Variants in HEATR6 observed in about 807,000 individuals in gnomAD.
HEATR6 encodes HEAT repeat-containing protein 6.
A neutral mutation model predicts 132.8 loss-of-function variants in HEATR6; 106 were observed. The observed-to-expected ratio is 0.80, with a 90% CI of 0.68 to 0.94. HEATR6 has a LOEUF of 0.94. Among genes scored for constraint, HEATR6 ranks in the 40% least tolerant of loss-of-function variants. HEATR6 has a pLI of 0.00. For missense variants in HEATR6, 1,339 were observed against 1,425.1 expected (o/e 0.94, Z 0.97); for synonymous variants, 529 against 537.8 (o/e 0.98, Z 0.23).
intron 13 of HEATR6, 143 bp downstream of exon 13, chr17:60,055,972 T>A (rs1326057447): frequency 5.9e-6 from 6 of 1,012,822 alleles, no homozygotes; most frequent in Non-Finnish European, 8.4e-6. Context: ...CCTCCTTACC[T>A]GAAATCTCTT....
intron 19 of HEATR6, among the ~76,000 whole-genome samples, chr17:60,044,916 C>CA (rs1477202629): frequency 2.0e-5 from 3 of 152,252 alleles, no homozygotes; most frequent in South Asian, 2.1e-4. Context: ...TCCGACCCGT[C>CA]AGAGTCCTTT....
intron 7 of HEATR6, among the ~76,000 whole-genome samples, chr17:60,068,513 A>G (rs1292643494): frequency 3.4e-5 from 5 of 149,142 alleles, no homozygotes; most frequent in Admixed American, 6.8e-5. Context: ...ATTCCCCTAT[A>G]TAAGATTCTT....
In HEATR6 at chr17:60,073,416, G is replaced by T. The variant is rs112015482; in HGVS notation, c.469-137C>A. 2.2e-5 allele frequency: 14 copies of T among 623,166 alleles called. No individual in the cohort carries two copies. The South Asian group carries it at 2.8e-4, about 13-fold the overall frequency. The allele number at this position is 623,166 out of a possible 1,614,324, so 38.6% of individuals were successfully genotyped here. On this transcript the variant is annotated intron_variant, in intron 3 of 19. Coordinates refer to ENST00000184956, the MANE Select transcript of HEATR6 (RefSeq NM_022070.5). ...GACTAGCTGTTAGATAAATGTCTCC[G>T]ATGGATATGCAAAGATATGCCAAAA...
intron 9 of HEATR6, chr17:60,063,361 G>C (rs2083222220): frequency 6.6e-6 from 1 of 152,174 alleles, no homozygotes. Context: ...GACAAGTCTT[G>C]ATGATATTCT....
rs56246861 is a variant in HEATR6, at chr17:60,042,676, T to C, written c.*887A>G. ...CGCGTCCTGTGCGGCTGTGAGGCAC[T>C]GTCAGCATCCTCGCGTCCTGTGTGG... is the stretch of plus-strand genomic sequence containing the variant. On this transcript the variant is annotated 3_prime_UTR_variant, in exon 20 of 20. Coordinates refer to ENST00000184956, the MANE Select transcript of HEATR6 (RefSeq NM_022070.5). Among the ~76,000 whole-genome samples the C allele has an allele frequency of 2.6e-3, 59 of 22,888 alleles. No homozygotes were observed. Among genetic ancestry groups the C allele is most frequent in the African/African-American group, 6.4e-3 (16 of 2,494 alleles). 15.0% of individuals were successfully genotyped at this position (22,888 alleles called of 152,430 possible).
intron 2 of HEATR6, among the ~76,000 whole-genome samples, chr17:60,075,385 G>A (rs2145203567): frequency 6.6e-6 from 1 of 152,306 alleles, no homozygotes; most frequent in East Asian, 1.9e-4. Flanking sequence ...TAGTGACTCT[G>A]GGATGGCTTT....
At chr17:60,073,103 C>A in intron 4 of HEATR6, 61 bp downstream of exon 4, 1 of 956,920 alleles carries the variant, frequency 1.0e-6, no homozygotes, top group South Asian at 1.4e-5. Context: ...GAACTACCTA[C>A]AAAGGGCCCA....
At position 60,060,084 on chromosome 17, in the gene HEATR6, C is replaced by A. The variant is rs779029115; in HGVS notation, c.1429G>T (p.Ala477Ser). The A allele has an allele frequency of 1.7e-5, 28 of 1,613,590 alleles. No individual in the cohort carries two copies. Among genetic ancestry groups the A allele is most frequent in the Non-Finnish European group, 2.3e-5 (27 of 1,179,774 alleles). ...KDPSPKTRAC[A>S]LQVLSAILEG... ...AAGATGGCAGATAAAACTTGCAGAG[C>A]ACAGGCACGTGTCTGAAATTTCGGG... The change falls in exon 10 of 20, where the codon GCT becomes TCT. Residue 477 changes from alanine (A) to serine (S), a missense_variant. Ala to Ser is a moderately conservative substitution (Grantham distance 99). Transcript: ENST00000184956.
At chr17:60,063,721 T>C (rs1317281865) in intron 9 of HEATR6, 2 of 154,194 alleles carry the variant, frequency 1.3e-5, no homozygotes, top group Non-Finnish European at 2.9e-5. Context: ...CCAGTTAAAA[T>C]TGTGCTTCCA....
chr17:60,074,323 C>G (rs2083286567), intron 2 of HEATR6, among the ~76,000 whole-genome samples: 2 of 152,176 alleles, frequency 1.3e-5, no homozygotes, highest in Non-Finnish European at 2.9e-5. Context: ...AGGGCATATC[C>G]CTGCTGTCAA....
At position 60,078,709 on chromosome 17, in the gene HEATR6, C is replaced by T. The variant is rs2083309020; in HGVS notation, c.206G>A (p.Gly69Asp). ...LISENYSEGS[G>D]VAPEDVSALL... ...CGCGCCGCCTACCTCCGGGGCCACG[C>T]CACTGCCCTCGCTGTAGTTCTCGGA... The change falls in exon 1 of 20, where the codon GGC becomes GAC. Residue 69 changes from glycine (G) to aspartate (D), a missense_variant. Gly to Asp is a moderately conservative substitution (Grantham distance 94). Transcript: ENST00000184956. 4 of 1,545,142 alleles carry T rather than the reference C, an allele frequency of 2.6e-6. No individual in the cohort carries two copies. The East Asian group carries it at 7.4e-5, about 28-fold the overall frequency.
chr17:60,078,777 G>A lies in HEATR6; in HGVS notation c.138C>T (p.Ser46=), dbSNP rs1387113355. The part of the protein sequence containing the change: ...RLCALRPDDS[S]SARTEIHLLF... ...GCAGGTGGATCTCGGTGCGGGCGGA[G>A]CTGCTGTCATCCGGGCGCAGGGCGC... Residue 46 remains serine, a synonymous_variant, in exon 1 of 20, where the codon AGC becomes AGT. Transcript: ENST00000184956. 3.8e-6 allele frequency: 6 copies of A among 1,581,858 alleles called. No individual in the cohort carries two copies. The highest frequency in any genetic ancestry group is 5.1e-6 in the Non-Finnish European group (6 of 1,165,330).
At chr17:60,045,311 T>A (rs1366368588) in intron 19 of HEATR6, among the ~76,000 whole-genome samples, 1 of 152,204 alleles carries the variant, frequency 6.6e-6, no homozygotes, top group Non-Finnish European at 1.5e-5. Context: ...CCTCACTTGA[T>A]GTGTGCTCTC....
rs1906737187 is a variant in HEATR6 at position 60,056,136 on chromosome 17, G to A, written c.2181C>T (p.Ser727=). The change falls in exon 13 of 20, where the codon TCC becomes TCT. Residue 727 remains serine, a synonymous_variant. Transcript: ENST00000184956. Reference sequence around the variant, plus strand: ...TTACCTTTGCTCCATGAAGCTGAATGGATGGATCTGCTTCCCCCATGCACT... The same window carrying A: ...TTACCTTTGCTCCATGAAGCTGAATAGATGGATCTGCTTCCCCCATGCACT... ...ICKCMGEADP[S]IQLHGAKLLE... is the part of the protein sequence containing the mutation. 1 of 1,613,864 alleles carries A rather than the reference G, an allele frequency of 6.2e-7. No individual in the cohort carries two copies. Among genetic ancestry groups the A allele is most frequent in the Non-Finnish European group, 8.5e-7 (1 of 1,179,906 alleles).
rs1285578521 is a variant in HEATR6, at chr17:60,044,147, C to T, written c.2975-13G>A. The stretch of plus-strand genomic sequence containing the variant: ...CATGGGGCTGTCCCTAGAAAGAATC[C>T]ACAGTCACTAAAACAAATGCAGGCT... On this transcript the variant is annotated splice_polypyrimidine_tract_variant and intron_variant, in intron 19 of 19. Transcript: ENST00000184956. 1 of 1,587,172 alleles carries T rather than the reference C, an allele frequency of 6.3e-7. No homozygotes were observed. The highest frequency in any genetic ancestry group is 8.6e-7 in the Non-Finnish European group (1 of 1,166,458).
intron 14 of HEATR6, among the ~76,000 whole-genome samples, chr17:60,052,483 G>GTCA (rs1317554537): frequency 6.6e-6 from 1 of 152,066 alleles, no homozygotes; most frequent in Non-Finnish European, 1.5e-5. Flanking sequence ...CTTGCCCAAA[G>GTCA]TCATCTATCT....
chr17:60,069,945 T>G (rs576085758), intron 6 of HEATR6, 97 bp from the exon 7 acceptor site: 1 of 1,410,574 alleles, frequency 7.1e-7, no homozygotes, highest in South Asian at 1.3e-5. Context: ...TTACCATGTC[T>G]GGATCACAAC....
chr17:60,077,912 C>G (rs771520477), intron 1 of HEATR6, among the ~76,000 whole-genome samples: 5 of 152,130 alleles, frequency 3.3e-5, no homozygotes, highest in Non-Finnish European at 7.3e-5. Flanking sequence ...CTGAGTTGGT[C>G]AGGATCTGGG....
rs754423553 is a variant in HEATR6, at chr17:60,067,627, C to T, written c.1045G>A (p.Gly349Ser). 6.2e-7 allele frequency: 1 copy of T among 1,612,610 alleles called. No homozygotes were observed. The highest frequency in any genetic ancestry group is 1.1e-5 in the South Asian group (1 of 90,724). The stretch of plus-strand genomic sequence containing the variant: ...TTCCCTTCATGCAGGTTCACTCTGC[C>T]TGTGCCAGTGACTGGGGCTGCCTCT... ...EIEAAPVTGTGRVNLHEGNTW... is the reference protein window; with the variant it reads ...EIEAAPVTGTSRVNLHEGNTW... Residue 349 changes from glycine (G) to serine (S), a missense_variant, in exon 8 of 20, where the codon GGC becomes AGC. Physicochemically the swap from Gly to Ser is moderately conservative, Grantham distance 56. Transcript: ENST00000184956.
Sources: allele counts gnomAD v4.1 joint callset (sites outside exome capture counted in the v4.1 genomes callset), GRCh38; gene constraint gnomAD v4.1.1; transcripts MANE v1.5; gene names NCBI Gene and HGNC (gene_info 2026-07-23, HGNC 2026-07-21).